Variants in ATP8A2 observed in about 807,000 individuals in gnomAD.
ATP8A2 encodes phospholipid-transporting ATPase IB.
Under a neutral mutation model 165.6 loss-of-function variants are expected in ATP8A2, and 100 were observed. That is an observed-to-expected ratio of 0.60 (90% CI 0.51 to 0.71). The LOEUF (loss-of-function observed/expected upper bound fraction) is 0.71, where lower values mean the gene tolerates loss of function less well. Ranked by LOEUF, ATP8A2 falls within the 30% of genes least tolerant of loss-of-function variation. The pLI is 0.00. For missense variants in ATP8A2, 1,227 were observed against 1,479.5 expected, an observed-to-expected ratio of 0.83 and a Z score of 2.80; for synonymous variants, 543 against 548.8, an observed-to-expected ratio of 0.99 and a Z score of 0.15.
At chr13:25,436,451 T>C (rs1244563493) in intron 1 of ATP8A2, among the ~76,000 whole-genome samples, 4 of 152,238 alleles carry the variant, frequency 2.6e-5, no homozygotes, top group Non-Finnish European at 5.9e-5. Flanking sequence ...TCATTCTTTT[T>C]TATGGCTATG....
intron 1 of ATP8A2, among the ~76,000 whole-genome samples, chr13:25,423,433 T>C (rs9551206): frequency 0.42 from 63,484 of 152,060 alleles, 14,290 homozygotes; most frequent in East Asian, 0.59. Context: ...TGATCCTTGG[T>C]CATGTGCATT....
intron 33 of ATP8A2, among the ~76,000 whole-genome samples, chr13:25,932,048 CAA>C (rs112829843): frequency 8.8e-5 from 11 of 125,156 alleles, no homozygotes; most frequent in Non-Finnish European, 8.5e-5. Context: ...AACTCCATCT[CAA>C]AAAAAAAAAA....
At chr13:25,715,612 A>G (rs2043239891) in intron 25 of ATP8A2, among the ~76,000 whole-genome samples, 1 of 152,226 alleles carries the variant, frequency 6.6e-6, no homozygotes, top group Admixed American at 6.5e-5. Flanking sequence ...TAAAGTCTTC[A>G]AAGGGTCATT....
At chr13:25,660,651 G>T (rs1032469589) in intron 24 of ATP8A2, among the ~76,000 whole-genome samples, 16 of 149,438 alleles carry the variant, frequency 1.1e-4, no homozygotes, top group African/African-American at 3.9e-4. Flanking sequence ...GGAAAACATA[G>T]AAGGAAAAAA....
At chr13:25,642,558 A>G (rs1460602227) in intron 24 of ATP8A2, among the ~76,000 whole-genome samples, 1 of 152,206 alleles carries the variant, frequency 6.6e-6, no homozygotes, top group Non-Finnish European at 1.5e-5. Context: ...ATCTCACACC[A>G]GTTAGAATGG....
At chr13:25,465,742 TCCC>T (rs2035642634) in intron 1 of ATP8A2, among the ~76,000 whole-genome samples, 1 of 25,340 alleles carries the variant, frequency 3.9e-5, no homozygotes, top group African/African-American at 1.2e-4. Flanking sequence ...TTTCTTTCCC[TCCC>T]TCCCTCTCTC....
At chr13:25,869,463 G>A (rs998926586) in intron 33 of ATP8A2, among the ~76,000 whole-genome samples, 5 of 152,200 alleles carry the variant, frequency 3.3e-5, no homozygotes, top group Admixed American at 2.0e-4. Context: ...AGTGCAAATT[G>A]TAACTGTGAA....
Position 25,551,199 on chromosome 13 carries a change from T to C in ATP8A2, c.892-139T>C, listed in dbSNP as rs1378646602. Reference sequence around the variant, plus strand: ...TTGATTCAGGAGCATGGTACACTTTTGAATTGCATTGATTATTTGGCAAAA... The same window carrying C: ...TTGATTCAGGAGCATGGTACACTTTCGAATTGCATTGATTATTTGGCAAAA... On this transcript the variant is annotated intron_variant, in intron 10 of 36. Coordinates refer to ENST00000381655, the MANE Select transcript of ATP8A2 (RefSeq NM_016529.6). 7 of 731,598 alleles carry C rather than the reference T, an allele frequency of 9.6e-6. No homozygotes were observed. The East Asian group carries it at 1.8e-4, about 19-fold the overall frequency. 45.3% of individuals were successfully genotyped at this position (731,598 alleles called of 1,614,324 possible). A position where few individuals can be genotyped will look rare whatever the true frequency, so the allele number is the denominator to read the frequency against.
intron 18 of ATP8A2, among the ~76,000 whole-genome samples, chr13:25,573,250 T>G (rs916169468): frequency 2.6e-5 from 4 of 152,146 alleles, no homozygotes; most frequent in African/African-American, 4.8e-5. Flanking sequence ...TTGGGGAGCT[T>G]GGATCATAGG....
intron 33 of ATP8A2, among the ~76,000 whole-genome samples, chr13:25,864,993 G>T (rs192347866): frequency 1.3e-5 from 2 of 152,288 alleles, no homozygotes; most frequent in Non-Finnish European, 2.9e-5. Flanking sequence ...TTGAAAAATG[G>T]CAGGGAAGTA....
chr13:25,894,876 A>G (rs1377516223), intron 33 of ATP8A2, among the ~76,000 whole-genome samples: 1 of 152,118 alleles, frequency 6.6e-6, no homozygotes, highest in East Asian at 1.9e-4. Context: ...ATTTTTGCAC[A>G]TTGATTTTGT....
rs1954752964 is a variant in ATP8A2 at position 25,930,844 on chromosome 13, G to A, written c.3184-30731G>A. 3.3e-5 allele frequency among the ~76,000 whole-genome samples: 5 copies of A among 152,210 alleles called. No individual in the cohort carries two copies. The South Asian group carries it at 8.3e-4, about 25-fold the overall frequency. ...TGGGCCTTAGGGTCTGGCTGCAGCC[G>A]ACCTGTCACGCCTCCTCCACATCCC... On this transcript the variant is annotated intron_variant, in intron 33 of 36. Transcript: ENST00000381655.
chr13:25,387,791 T>G lies in ATP8A2; in HGVS notation c.76+15503T>G, dbSNP rs376751166. 2.6e-5 allele frequency among the ~76,000 whole-genome samples: 4 copies of G among 152,178 alleles called. No individual in the cohort carries two copies. The East Asian group carries it at 5.8e-4, about 22-fold the overall frequency. On this transcript the variant is annotated intron_variant, in intron 1 of 36. Transcript: ENST00000381655. ...TAAAATCTCTTTACTAGGCCTGGCG[T>G]GGTGGCTCATGCCTGTAATCCCAGC...
At chr13:25,463,979 C>T (rs539532301) in intron 1 of ATP8A2, among the ~76,000 whole-genome samples, 1 of 152,180 alleles carries the variant, frequency 6.6e-6, no homozygotes, top group African/African-American at 2.4e-5. Flanking sequence ...GATTTCCTAA[C>T]ATTCTGTTCT....
At chr13:25,965,640 A>G (rs1955759678) in intron 34 of ATP8A2, among the ~76,000 whole-genome samples, 1 of 152,208 alleles carries the variant, frequency 6.6e-6, no homozygotes, top group Non-Finnish European at 1.5e-5. Context: ...ATGCTTAGGT[A>G]AGCTGCCACA....
At chr13:25,636,019 G>A (rs894301215) in intron 24 of ATP8A2, among the ~76,000 whole-genome samples, 9 of 152,280 alleles carry the variant, frequency 5.9e-5, no homozygotes, top group African/African-American at 2.2e-4. Flanking sequence ...AGGAAAGATG[G>A]ATGAGTATGG....
chr13:25,452,000 G>A (rs1220525804), intron 1 of ATP8A2, among the ~76,000 whole-genome samples: 4 of 151,956 alleles, frequency 2.6e-5, no homozygotes, highest in African/African-American at 9.7e-5. Flanking sequence ...GATTACAGGC[G>A]CCTGCCACCA....
At chr13:25,733,259 G>C (rs77500961) in intron 25 of ATP8A2, among the ~76,000 whole-genome samples, 3,977 of 152,184 alleles carry the variant, frequency 0.026, 188 homozygotes, top group African/African-American at 0.091. Context: ...TGAGCAAAGA[G>C]GGGTATTTCC....
At chr13:25,900,931 C>T (rs1287371726) in intron 33 of ATP8A2, among the ~76,000 whole-genome samples, 1 of 152,220 alleles carries the variant, frequency 6.6e-6, no homozygotes, top group Non-Finnish European at 1.5e-5. Context: ...AGCAGGAACA[C>T]CCCTGAGCAT....
Sources: allele counts gnomAD v4.1 joint callset (sites outside exome capture counted in the v4.1 genomes callset), GRCh38; gene constraint gnomAD v4.1.1; transcripts MANE v1.5; gene names NCBI Gene and HGNC (gene_info 2026-07-23, HGNC 2026-07-21).